PSMA4: variants seen among roughly 807,000 people sequenced by gnomAD.
PSMA4 encodes the protein proteasome subunit alpha type-4.
PSMA4 carries 8 observed loss-of-function variants against 37.2 expected under a neutral mutation model. The ratio of observed to expected loss-of-function variants is 0.22; its 90% CI spans 0.13 to 0.39. The LOEUF is 0.39. Ranked by LOEUF, PSMA4 falls within the 10% of genes least tolerant of loss-of-function variation. The pLI is 1.00. For synonymous variants in PSMA4, 93 were observed against 98.8 expected, an observed-to-expected ratio of 0.94 and a Z score of 0.35; for missense variants, 169 against 305.1, an observed-to-expected ratio of 0.55 and a Z score of 3.32.
intron 7 of PSMA4, among the ~76,000 whole-genome samples, chr15:78,546,355 G>C (rs543044108): frequency 6.6e-6 from 1 of 151,970 alleles, no homozygotes; most frequent in South Asian, 2.1e-4. Flanking sequence ...AAGGTGGGAG[G>C]AGGAGCACCT....
chr15:78,546,885 C>T (rs1231730004), intron 8 of PSMA4, among the ~76,000 whole-genome samples, 187 bp downstream of exon 8: 1 of 152,018 alleles, frequency 6.6e-6, no homozygotes, highest in Non-Finnish European at 1.5e-5. Context: ...CCTGCCTCAG[C>T]CTGCCGAGTA....
In PSMA4 at chr15:78,549,897, T is replaced by C. The variant is rs1979907; in HGVS notation, c.*953T>C. The C allele has an allele frequency of 0.66, 101,397 of 152,508 alleles. 34,420 individuals are homozygous for C. The highest frequency in any genetic ancestry group is 0.84 in the East Asian group (4,353 of 5,206). 9.4% of individuals were successfully genotyped at this position (152,508 alleles called of 1,614,324 possible). On this transcript the variant is annotated 3_prime_UTR_variant, in exon 9 of 9. Coordinates refer to ENST00000044462, the MANE Select transcript of PSMA4 (RefSeq NM_002789.6). ...AACTCTTCAGGTGATTTCCATCAGCTAGGGTGAGTGCATTGAGCCATCATT... is the reference window on the plus strand; with the variant it reads ...AACTCTTCAGGTGATTTCCATCAGCCAGGGTGAGTGCATTGAGCCATCATT...
In PSMA4 at chr15:78,549,119, TG is replaced by T. The variant is rs2052608333; in HGVS notation, c.*177del. 1 of 998,110 alleles carries T rather than the reference TG, an allele frequency of 1.0e-6. No individual in the cohort carries two copies. Among genetic ancestry groups the T allele is most frequent in the Non-Finnish European group, 1.3e-6 (1 of 766,476 alleles). The allele number at this position is 998,110 out of a possible 1,614,324, so 61.8% of individuals were successfully genotyped here. On this transcript the variant is annotated 3_prime_UTR_variant, in exon 9 of 9. Coordinates refer to ENST00000044462, the MANE Select transcript of PSMA4 (RefSeq NM_002789.6). ...ATTGAATACTTTATTGTAACGATGA[TG>T]GTTACCCTTCATGGACGTCTTAATC...
intron 4 of PSMA4, chr15:78,543,989 C>A: frequency 2.0e-6 from 1 of 506,026 alleles, no homozygotes; most frequent in South Asian, 2.9e-5. Flanking sequence ...TTAAAGGGTG[C>A]ATTTGTTTAT....
rs899244441 is a variant in PSMA4, at chr15:78,549,130, C to T, written c.*186C>T. 4.6e-5 allele frequency: 42 copies of T among 906,670 alleles called. No individual in the cohort carries two copies. The highest frequency in any genetic ancestry group is 8.7e-5 in the Admixed American group (2 of 23,088). 56.2% of individuals were successfully genotyped at this position (906,670 alleles called of 1,614,324 possible). A position where few individuals can be genotyped will look rare whatever the true frequency, so the allele number is the denominator to read the frequency against. ...TATTGTAACGATGATGGTTACCCTTCATGGACGTCTTAATCTTCCACACAC... is the reference window on the plus strand; with the variant it reads ...TATTGTAACGATGATGGTTACCCTTTATGGACGTCTTAATCTTCCACACAC... On this transcript the variant is annotated 3_prime_UTR_variant, in exon 9 of 9. Transcript: ENST00000044462.
In PSMA4 at chr15:78,542,866, A is replaced by G. The variant is rs77376397; in HGVS notation, c.209+221A>G. Among the ~76,000 whole-genome samples, 1,426 of 152,350 alleles carry G rather than the reference A, an allele frequency of 9.4e-3. 143 individuals carry two copies. The East Asian group carries it at 0.24, about 26-fold the overall frequency. On this transcript the variant is annotated intron_variant, in intron 4 of 8. Transcript: ENST00000044462. ...TAGCATTGTGTAATGATAAGAGTACAGACTTAGTAGTCACACAGATTTGGG... is the reference window on the plus strand; with the variant it reads ...TAGCATTGTGTAATGATAAGAGTACGGACTTAGTAGTCACACAGATTTGGG...
At chr15:78,540,762 C>G (rs1158282227) in intron 1 of PSMA4, 1 of 152,256 alleles carries the variant, frequency 6.6e-6, no homozygotes, top group African/African-American at 2.4e-5. Context: ...CCGGGGCCCG[C>G]GAGGGGGCGG....
At chr15:78,546,448 C>CAAAA in intron 7 of PSMA4, 127 bp from the exon 8 acceptor site, 4 of 656,508 alleles carry the variant, frequency 6.1e-6, no homozygotes, top group Admixed American at 4.3e-5. Context: ...GCCCCTGTGT[C>CAAAA]AAAAAAAAAA....
At chr15:78,546,227 C>G (rs184277842) in intron 7 of PSMA4, among the ~76,000 whole-genome samples, 3 of 152,076 alleles carry the variant, frequency 2.0e-5, no homozygotes, top group Non-Finnish European at 4.4e-5. Context: ...GCAAATTGCT[C>G]GAGCTCAGGA....
In PSMA4 at chr15:78,542,586, C is replaced by T. The variant is rs957590211; in HGVS notation, c.150C>T (p.Arg50=). The stretch of plus-strand genomic sequence containing the variant: ...GTGTTTTGCTTGCAGCAGAGAGACG[C>T]AACATCCACAAGCTTCTTGATGAAG... The part of the protein sequence containing the change: ...NDGVLLAAER[R]NIHKLLDEVF... Residue 50 remains arginine (R), a synonymous_variant, in exon 4 of 9, where the codon CGC becomes CGT. Coordinates refer to ENST00000044462, the MANE Select transcript of PSMA4 (RefSeq NM_002789.6). 1.9e-6 allele frequency: 3 copies of T among 1,613,900 alleles called. No individual in the cohort carries two copies. The highest frequency in any genetic ancestry group is 2.5e-6 in the Non-Finnish European group (3 of 1,180,018).
In PSMA4 at chr15:78,549,050, A is replaced by G; in HGVS notation, c.*106A>G. ...TTTTTTTAACTGGTGCAGTGGGAAA[A>G]TAGGACATTACATACTGAATTGGGT... On this transcript the variant is annotated 3_prime_UTR_variant, in exon 9 of 9. Transcript: ENST00000044462. 7.0e-7 allele frequency: 1 copy of G among 1,418,742 alleles called. No individual in the cohort carries two copies. Among genetic ancestry groups the G allele is most frequent in the Non-Finnish European group, 9.2e-7 (1 of 1,083,136 alleles). The allele number at this position is 1,418,742 out of a possible 1,614,324, so 87.9% of individuals were successfully genotyped here. A position where few individuals can be genotyped will look rare whatever the true frequency, so the allele number is the denominator to read the frequency against.
Position 78,549,024 on chromosome 15 carries a change from C to T in PSMA4, c.*80C>T. ...ACTCTTCCACACTAGGAAGGCTTTA[C>T]TTTTTTTAACTGGTGCAGTGGGAAA... On this transcript the variant is annotated 3_prime_UTR_variant, in exon 9 of 9. Transcript: ENST00000044462. 1 of 1,476,056 alleles carries T rather than the reference C, an allele frequency of 6.8e-7. No homozygotes were observed. The highest frequency in any genetic ancestry group is 1.4e-5 in the African/African-American group (1 of 70,404). 91.4% of individuals were successfully genotyped at this position (1,476,056 alleles called of 1,614,324 possible).
rs1317388592 is a variant in PSMA4 at position 78,552,050 on chromosome 15, T to C, written c.*3106T>C. On this transcript the variant is annotated 3_prime_UTR_variant, in exon 9 of 9. Transcript: ENST00000044462. ...AACTGTGAGTTTTTTTTCCTTGCGA[T>C]GGGGTTTGGCTGCCTAGTCTAGATT... 6.6e-6 allele frequency: 1 copy of C among 152,122 alleles called. No homozygotes were observed. Among genetic ancestry groups the C allele is most frequent in the Non-Finnish European group, 1.5e-5 (1 of 68,034 alleles). The allele number at this position is 152,122 out of a possible 1,614,324, so 9.4% of individuals were successfully genotyped here. A position where few individuals can be genotyped will look rare whatever the true frequency, so the allele number is the denominator to read the frequency against.
At position 78,540,485 on chromosome 15, in the gene PSMA4, T is replaced by C. The variant is rs2052423324; in HGVS notation, c.-78T>C. On this transcript the variant is annotated 5_prime_UTR_variant, in exon 1 of 9. Coordinates refer to ENST00000044462, the MANE Select transcript of PSMA4 (RefSeq NM_002789.6). ...TTCGGTGAGCGGTGGTGGTTTATTCTTCCGTGGAGTTAAGGGCTCCGTGGA... is the reference window on the plus strand; with the variant it reads ...TTCGGTGAGCGGTGGTGGTTTATTCCTCCGTGGAGTTAAGGGCTCCGTGGA... 1 of 152,398 alleles carries C rather than the reference T, an allele frequency of 6.6e-6. No individual in the cohort carries two copies. The highest frequency in any genetic ancestry group is 2.4e-5 in the African/African-American group (1 of 41,458). 9.4% of individuals were successfully genotyped at this position (152,398 alleles called of 1,614,324 possible). A position where few individuals can be genotyped will look rare whatever the true frequency, so the allele number is the denominator to read the frequency against.
intron 1 of PSMA4, 76 bp downstream of exon 1, chr15:78,540,615 A>G (rs2052427077): frequency 6.6e-6 from 1 of 152,454 alleles, no homozygotes; most frequent in South Asian, 2.1e-4. Context: ...ACGTCAAGAC[A>G]GTCGGTCCCG....
Position 78,544,258 on chromosome 15 carries a change from T to G in PSMA4, c.278T>G (p.Ile93Ser). 1.2e-6 allele frequency: 2 copies of G among 1,610,874 alleles called. No homozygotes were observed. The highest frequency in any genetic ancestry group is 1.7e-6 in the Non-Finnish European group (2 of 1,177,316). ...ANVLTNELRL[I>S]AQRYLLQYQE... is the part of the protein sequence containing the mutation. ...GTTCTGACTAATGAACTAAGGCTCA[T>G]TGCTCAAAGGTATGGTCATAAATAG... Residue 93 changes from isoleucine to serine, a missense_variant, in exon 5 of 9, where the codon ATT becomes AGT. By Grantham distance (142) the Ile-to-Ser change is moderately radical. Transcript: ENST00000044462.
intron 4 of PSMA4, among the ~76,000 whole-genome samples, chr15:78,543,046 A>G (rs1185266454): frequency 6.6e-6 from 1 of 152,234 alleles, no homozygotes; most frequent in Non-Finnish European, 1.5e-5. Flanking sequence ...GTAGGCCCTC[A>G]AAGTATTGTT....
chr15:78,542,707 A>G (rs990617650), intron 4 of PSMA4, 62 bp downstream of exon 4: 5 of 1,468,738 alleles, frequency 3.4e-6, no homozygotes, highest in Admixed American at 2.0e-5. Context: ...AGTGGGATCT[A>G]TGTAATTTGG....
In PSMA4 at chr15:78,546,651, A is replaced by G. The variant is rs767116151; in HGVS notation, c.584A>G (p.Lys195Arg). 2.5e-6 allele frequency: 4 copies of G among 1,605,436 alleles called. No homozygotes were observed. Among genetic ancestry groups the G allele is most frequent in the South Asian group, 2.3e-5 (2 of 88,378 alleles). ...AAGTCAGCACTTGCTTTAGCTATCA[A>G]AGTACTAAATAAGACCATGGATGTT... ...TLKSALALAI[K>R]VLNKTMDVSK... The change falls in exon 8 of 9, where the codon AAA (lysine) becomes AGA (arginine). Residue 195 changes from lysine to arginine, a missense_variant. By Grantham distance (26) the Lys-to-Arg change is conservative. This residue lies in a region of PSMA4 where 90 missense variants were observed against 92.7 expected (regional missense o/e 0.97). Transcript: ENST00000044462.
Sources: gnomAD v4.1 joint callset for allele counts (sites outside exome capture counted in the v4.1 genomes callset) on GRCh38, gnomAD v4.1.1 for gene constraint, gnomAD v4.1.1 regional missense constraint, MANE v1.5 for transcripts, NCBI Gene and HGNC (gene_info 2026-07-23, HGNC 2026-07-21) for gene names.